The following C8orf34 variants were observed in gnomAD, a reference collection of about 807,000 sequenced individuals.
C8orf34 encodes chromosome 8 open reading frame 34.
A neutral mutation model predicts 68.3 loss-of-function variants in C8orf34; 65 were observed. The ratio of observed to expected loss-of-function variants is 0.95; its 90% CI spans 0.78 to 1.17. C8orf34 has a LOEUF of 1.17. Among genes scored for constraint, C8orf34 ranks in the 50% most tolerant of loss-of-function variants. The probability of loss-of-function intolerance (pLI) is 0.00; values close to 1 mark genes in which losing one functional copy is unlikely to be tolerated. For missense variants in C8orf34, 664 were observed against 655.4 expected (o/e 1.01, Z -0.14); for synonymous variants, 244 against 241.2 (o/e 1.01, Z -0.11).
intron 7 of C8orf34, among the ~76,000 whole-genome samples, chr8:68,556,044 C>T (rs181353680): frequency 6.6e-6 from 1 of 151,984 alleles, no homozygotes; most frequent in South Asian, 2.1e-4. Flanking sequence ...TTAGTAGCAA[C>T]TTACATTGTG....
At chr8:68,647,467 C>G (rs1475347119) in intron 8 of C8orf34, among the ~76,000 whole-genome samples, 3 of 152,286 alleles carry the variant, frequency 2.0e-5, no homozygotes, top group Non-Finnish European at 4.4e-5. Flanking sequence ...GAATTGAAAT[C>G]ATTATGCCAA....
intron 10 of C8orf34, among the ~76,000 whole-genome samples, chr8:68,768,857 A>C: frequency 6.6e-6 from 1 of 151,466 alleles, no homozygotes. Flanking sequence ...GGCTTTCTAG[A>C]GTTTTCTCTA....
At chr8:68,670,660 A>T (rs570411645) in intron 8 of C8orf34, among the ~76,000 whole-genome samples, 1 of 151,546 alleles carries the variant, frequency 6.6e-6, no homozygotes, top group Non-Finnish European at 1.5e-5. Flanking sequence ...CAATTGTCTC[A>T]CCCCCCATTT....
At chr8:68,706,237 G>T (rs1023725769) in intron 8 of C8orf34, among the ~76,000 whole-genome samples, 1 of 152,186 alleles carries the variant, frequency 6.6e-6, no homozygotes, top group South Asian at 2.1e-4. Flanking sequence ...GTCTGCCTTC[G>T]CAGGAGTGAC....
At chr8:68,617,994 T>C (rs946558824) in intron 7 of C8orf34, among the ~76,000 whole-genome samples, 3 of 152,196 alleles carry the variant, frequency 2.0e-5, no homozygotes, top group Admixed American at 2.0e-4. Context: ...CTTTTTATTC[T>C]TTTTTCTTTT....
chr8:68,790,110 A>G (rs1426839186), intron 12 of C8orf34, among the ~76,000 whole-genome samples: 2 of 152,230 alleles, frequency 1.3e-5, no homozygotes, highest in Non-Finnish European at 2.9e-5. Context: ...AAATAAGAGT[A>G]GCTTCCATCA....
At chr8:68,584,307 A>T (rs1347977448) in intron 7 of C8orf34, among the ~76,000 whole-genome samples, 3 of 152,114 alleles carry the variant, frequency 2.0e-5, no homozygotes, top group Non-Finnish European at 4.4e-5. Flanking sequence ...GAGAAAAAAA[A>T]AGTTGGATGG....
At chr8:68,718,939 A>G (rs1478284093) in intron 9 of C8orf34, among the ~76,000 whole-genome samples, 1 of 152,182 alleles carries the variant, frequency 6.6e-6, no homozygotes, top group African/African-American at 2.4e-5. Flanking sequence ...ATATTTGACA[A>G]ATTTAGGGAC....
chr8:68,343,732 T>C (rs1376031146), intron 1 of C8orf34, among the ~76,000 whole-genome samples: 1 of 152,078 alleles, frequency 6.6e-6, no homozygotes, highest in Non-Finnish European at 1.5e-5. Context: ...TAGCTGGCAT[T>C]ACAGGTATGC....
chr8:68,559,948 G>A (rs1816371473), intron 7 of C8orf34, among the ~76,000 whole-genome samples: 8 of 152,164 alleles, frequency 5.3e-5, no homozygotes, highest in Admixed American at 3.9e-4. Flanking sequence ...GGAACATTGG[G>A]TTTCAGATGG....
intron 1 of C8orf34, among the ~76,000 whole-genome samples, chr8:68,350,074 T>A (rs1806447333): frequency 6.6e-6 from 1 of 151,988 alleles, no homozygotes; most frequent in Non-Finnish European, 1.5e-5. Context: ...TAATTTCAGA[T>A]CTTTCCAATT....
intron 1 of C8orf34, among the ~76,000 whole-genome samples, chr8:68,351,866 T>C (rs1416641278): frequency 6.6e-6 from 1 of 152,124 alleles, no homozygotes; most frequent in Non-Finnish European, 1.5e-5. Flanking sequence ...CATTTGGTGT[T>C]GTCAGTGTTC....
chr8:68,522,275 CAG>C (rs1006257890), intron 6 of C8orf34, among the ~76,000 whole-genome samples: 1 of 152,066 alleles, frequency 6.6e-6, no homozygotes, highest in African/African-American at 2.4e-5. Flanking sequence ...TAATATTGGA[CAG>C]AGAGTGGCTG....
At chr8:68,608,486 A>G (rs961494057) in intron 7 of C8orf34, among the ~76,000 whole-genome samples, 1 of 151,764 alleles carries the variant, frequency 6.6e-6, no homozygotes, top group Non-Finnish European at 1.5e-5. Flanking sequence ...TCTTAAGTGG[A>G]GGGAACAGTG....
chr8:68,391,393 A>G (rs1423750405), intron 1 of C8orf34, among the ~76,000 whole-genome samples: 2 of 152,138 alleles, frequency 1.3e-5, no homozygotes, highest in Non-Finnish European at 2.9e-5. Flanking sequence ...TCCCAAGGCT[A>G]TACTGACATG....
intron 8 of C8orf34, among the ~76,000 whole-genome samples, chr8:68,677,402 AGGGTGGAGT>A: frequency 6.6e-6 from 1 of 152,192 alleles, no homozygotes. Context: ...TGTGTCACTC[AGGGTGGAGT>A]GCAGTGGTGT....
At chr8:68,527,791 C>T (rs1815076237) in intron 6 of C8orf34, among the ~76,000 whole-genome samples, 1 of 152,092 alleles carries the variant, frequency 6.6e-6, no homozygotes, top group African/African-American at 2.4e-5. Flanking sequence ...CCTCGGAACC[C>T]TAAGTGCTCT....
At chr8:68,626,357 A>G (rs538026014) in intron 7 of C8orf34, among the ~76,000 whole-genome samples, 10 of 152,326 alleles carry the variant, frequency 6.6e-5, no homozygotes, top group South Asian at 4.1e-4. Flanking sequence ...AAATCCACTA[A>G]TATGTCAATT....
intron 3 of C8orf34, among the ~76,000 whole-genome samples, chr8:68,465,793 G>A (rs1812095729): frequency 6.6e-6 from 1 of 150,488 alleles, no homozygotes; most frequent in Non-Finnish European, 1.5e-5. Flanking sequence ...ACACTCTGGG[G>A]CCTGTTGTGG....
Sources: allele counts gnomAD v4.1 joint callset (sites outside exome capture counted in the v4.1 genomes callset), GRCh38; gene constraint gnomAD v4.1.1; transcripts MANE v1.5; gene names NCBI Gene and HGNC (gene_info 2026-07-23, HGNC 2026-07-21).